The following GADL1 variants were observed in gnomAD, a reference collection of about 807,000 sequenced individuals.
GADL1 encodes acidic amino acid decarboxylase GADL1.
Under a neutral mutation model 69.5 loss-of-function variants are expected in GADL1, and 71 were observed. The observed-to-expected ratio is 1.02, with a 90% CI of 0.84 to 1.25. The LOEUF is 1.25. Ranked by LOEUF, GADL1 falls within the 50% of genes most tolerant of loss-of-function variation. The probability of loss-of-function intolerance (pLI) is 0.00; values close to 1 mark genes in which losing one functional copy is unlikely to be tolerated. For synonymous variants in GADL1, 254 were observed against 214.4 expected (o/e 1.18, Z -1.62); for missense variants, 737 against 631.8 (o/e 1.17, Z -1.79).
In GADL1 at chr3:30,857,084, C is replaced by G. The variant is rs555181893; in HGVS notation, c.268G>C (p.Asp90His). 6.5e-7 allele frequency: 1 copy of G among 1,549,846 alleles called. No homozygotes were observed. Among genetic ancestry groups the G allele is most frequent in the South Asian group, 1.2e-5 (1 of 84,000 alleles). Residue 90 changes from aspartate to histidine, a missense_variant, in exon 3 of 15, where the codon GAC becomes CAC. Transcript: ENST00000282538. ...LKQLLDLEMR[D>H]SGEPPHKLLE... ...AGTTTATGGGGTGGCTCGCCTGAGTCTCTCATCTCCAAATCAAGAAGCTGT... is the reference window on the plus strand; with the variant it reads ...AGTTTATGGGGTGGCTCGCCTGAGTGTCTCATCTCCAAATCAAGAAGCTGT...
chr3:30,760,283 TACTG>T (rs940969041), intron 14 of GADL1, among the ~76,000 whole-genome samples: 2 of 152,198 alleles, frequency 1.3e-5, no homozygotes, highest in Non-Finnish European at 2.9e-5. Flanking sequence ...CCCAGTTACT[TACTG>T]GCTTGACCTT....
At chr3:30,762,773 T>C (rs949391661) in intron 14 of GADL1, among the ~76,000 whole-genome samples, 2 of 152,184 alleles carry the variant, frequency 1.3e-5, no homozygotes, top group Non-Finnish European at 2.9e-5. Context: ...CACTCTCTGG[T>C]AACTATCTTT....
chr3:30,764,935 A>G (rs1467165842), intron 14 of GADL1, among the ~76,000 whole-genome samples: 1 of 150,540 alleles, frequency 6.6e-6, no homozygotes, highest in Admixed American at 6.6e-5. Flanking sequence ...TCCTGCAAAG[A>G]GGGGGGACAT....
intron 5 of GADL1, 42 bp downstream of exon 5, chr3:30,850,792 TG>T: frequency 8.8e-7 from 1 of 1,142,428 alleles, no homozygotes; most frequent in Non-Finnish European, 1.3e-6. Context: ...AATTTTTACG[TG>T]GTTGTATTGG....
At position 30,795,937 on chromosome 3, in the gene GADL1, G is replaced by C. The variant is rs1174046790; in HGVS notation, c.1250+4952C>G. 2.0e-5 allele frequency among the ~76,000 whole-genome samples: 3 copies of C among 152,140 alleles called. No homozygotes were observed. In the East Asian group the frequency reaches 5.8e-4, roughly 29 times the overall value. The stretch of plus-strand genomic sequence containing the variant: ...ACTTAAACATAGGTCACAGTCTGCA[G>C]CAATGCTCACTAAAATGTTAATTCA... On this transcript the variant is annotated intron_variant, in intron 12 of 14. Coordinates refer to ENST00000282538, the MANE Select transcript of GADL1 (RefSeq NM_207359.3).
At position 30,874,688 on chromosome 3, in the gene GADL1, C is replaced by T. The variant is rs188791198; in HGVS notation, c.38-12923G>A. Among the ~76,000 whole-genome samples the T allele has an allele frequency of 1.6e-3, 244 of 152,026 alleles. 3 individuals are homozygous for T. The highest frequency in any genetic ancestry group is 5.1e-3 in the African/African-American group (210 of 41,504). ...GCATCTAGAACCTATTTCATATAAT[C>T]GTAGCTAGCATTTATTTAGTGCTTA... On this transcript the variant is annotated intron_variant, in intron 1 of 14. Coordinates refer to ENST00000282538, the MANE Select transcript of GADL1 (RefSeq NM_207359.3).
intron 14 of GADL1, among the ~76,000 whole-genome samples, chr3:30,770,862 TGAG>T (rs900094348): frequency 2.0e-5 from 3 of 152,166 alleles, no homozygotes; most frequent in Non-Finnish European, 4.4e-5. Context: ...AAATTTATAA[TGAG>T]GACATCTGTA....
chr3:30,752,600 C>T (rs1042147607), intron 14 of GADL1, among the ~76,000 whole-genome samples: 2 of 152,136 alleles, frequency 1.3e-5, no homozygotes, highest in Non-Finnish European at 2.9e-5. Context: ...TTTCTCTGTC[C>T]TTTCTCTTAA....
intron 14 of GADL1, among the ~76,000 whole-genome samples, chr3:30,772,349 T>C (rs1410082111): frequency 6.6e-6 from 1 of 152,094 alleles, no homozygotes; most frequent in Admixed American, 6.5e-5. Context: ...GTTGGCATAG[T>C]GTACTTATTT....
chr3:30,837,646 A>C (rs904848690), intron 9 of GADL1, among the ~76,000 whole-genome samples: 9 of 152,134 alleles, frequency 5.9e-5, no homozygotes, highest in African/African-American at 2.4e-5. Context: ...TACAAACTAC[A>C]TAAACTATAT....
At chr3:30,863,406 T>C (rs1434329301) in intron 1 of GADL1, among the ~76,000 whole-genome samples, 1 of 152,010 alleles carries the variant, frequency 6.6e-6, no homozygotes, top group Non-Finnish European at 1.5e-5. Flanking sequence ...TACATGCCGA[T>C]CATTGACTAA....
intron 1 of GADL1, among the ~76,000 whole-genome samples, chr3:30,867,386 T>A (rs993956333): frequency 1.4e-5 from 2 of 146,456 alleles, no homozygotes; most frequent in African/African-American, 5.0e-5. Flanking sequence ...TATGCATCAA[T>A]CTCCGAGAAG....
intron 14 of GADL1, among the ~76,000 whole-genome samples, chr3:30,734,181 T>A (rs1189649370): frequency 6.6e-6 from 1 of 152,230 alleles, no homozygotes; most frequent in Non-Finnish European, 1.5e-5. Context: ...TTCAGAACCA[T>A]GTTAGATCAC....
chr3:30,820,587 G>A (rs1697555581), intron 11 of GADL1, among the ~76,000 whole-genome samples: 1 of 152,130 alleles, frequency 6.6e-6, no homozygotes, highest in South Asian at 2.1e-4. Context: ...AATATAAAAT[G>A]TATAAATAAC....
intron 1 of GADL1, among the ~76,000 whole-genome samples, chr3:30,893,951 C>A (rs1394590571): frequency 6.6e-6 from 1 of 152,140 alleles, no homozygotes; most frequent in African/African-American, 2.4e-5. Context: ...AGTGAGAATA[C>A]CTGAATAACA....
In GADL1 at chr3:30,790,652, T is replaced by C. The variant is rs532713280; in HGVS notation, c.1251-4246A>G. 4.6e-5 allele frequency among the ~76,000 whole-genome samples: 7 copies of C among 152,312 alleles called. No individual in the cohort carries two copies. In the South Asian group the frequency reaches 1.4e-3, roughly 32 times the overall value. On this transcript the variant is annotated intron_variant, in intron 12 of 14. Coordinates refer to ENST00000282538, the MANE Select transcript of GADL1 (RefSeq NM_207359.3). ...AAGTTGCTATAAACCTTTTAAGTAA[T>C]ACTCATATCTTATCAAGCAAACCAG...
intron 11 of GADL1, among the ~76,000 whole-genome samples, chr3:30,805,221 A>G (rs972158996): frequency 6.6e-6 from 1 of 152,198 alleles, no homozygotes; most frequent in Admixed American, 6.5e-5. Context: ...GCAACACAGC[A>G]AGTTAATTAC....
At chr3:30,800,011 AT>A (rs1489240977) in intron 12 of GADL1, 1 of 152,192 alleles carries the variant, frequency 6.6e-6, no homozygotes, top group Non-Finnish European at 1.5e-5. Flanking sequence ...GAAGTTCTGA[AT>A]TTTCCTGTCT....
intron 2 of GADL1, among the ~76,000 whole-genome samples, chr3:30,858,637 T>C (rs1415201452): frequency 2.6e-5 from 4 of 151,668 alleles, no homozygotes; most frequent in Non-Finnish European, 5.9e-5. Context: ...AAGGATCTGG[T>C]TGGGGTGGTG....
Sources: allele counts gnomAD v4.1 joint callset (sites outside exome capture counted in the v4.1 genomes callset), GRCh38; gene constraint gnomAD v4.1.1; transcripts MANE v1.5; gene names NCBI Gene and HGNC (gene_info 2026-07-23, HGNC 2026-07-21).